KIAA0825: variants seen among roughly 807,000 people sequenced by gnomAD.
The protein encoded by KIAA0825 is KIAA0825.
A neutral mutation model predicts 147.6 loss-of-function variants in KIAA0825; 119 were observed. The observed-to-expected ratio is 0.81, with a 90% CI of 0.69 to 0.94. The LOEUF (loss-of-function observed/expected upper bound fraction) is 0.94, where lower values mean the gene tolerates loss of function less well. KIAA0825 is among the 40% of genes least tolerant of loss of function. The pLI is 0.00. For missense variants in KIAA0825, 1,381 were observed against 1,472.7 expected (o/e 0.94, Z 1.02); for synonymous variants, 470 against 518.1 (o/e 0.91, Z 1.26).
chr5:94,273,899 AT>A, intron 20 of KIAA0825, among the ~76,000 whole-genome samples: 1 of 152,268 alleles, frequency 6.6e-6, no homozygotes, highest in East Asian at 1.9e-4. Flanking sequence ...CAAAAGATAT[AT>A]ACAAGGAGAA....
intron 2 of KIAA0825, among the ~76,000 whole-genome samples, chr5:94,540,890 C>T (rs1353097464): frequency 6.6e-6 from 1 of 152,120 alleles, no homozygotes; most frequent in Non-Finnish European, 1.5e-5. Context: ...GTGAAATCAA[C>T]CATGACCCCT....
chr5:94,212,235 CAAAT>C (rs1772773660), intron 20 of KIAA0825, among the ~76,000 whole-genome samples: 1 of 152,068 alleles, frequency 6.6e-6, no homozygotes, highest in Admixed American at 6.6e-5. Flanking sequence ...TTTTCCCAAA[CAAAT>C]AAGCAAAACG....
intron 7 of KIAA0825, among the ~76,000 whole-genome samples, chr5:94,475,149 A>G (rs1169893313): frequency 6.6e-6 from 1 of 152,178 alleles, no homozygotes; most frequent in Non-Finnish European, 1.5e-5. Context: ...CTTCTTTCTT[A>G]TAAGAGAACT....
chr5:94,294,998 A>G lies in KIAA0825; in HGVS notation c.3710+89370T>C, dbSNP rs146919208. Among the ~76,000 whole-genome samples, 845 of 152,222 alleles carry G rather than the reference A, an allele frequency of 5.6e-3. 4 individuals are homozygous for G. The highest frequency in any genetic ancestry group is 0.019 in the African/African-American group (804 of 41,556). Reference sequence around the variant, plus strand: ...CTAGGTTGGGGAAGTTCTCCTGGATAATATACTGAAGAGTGTTTTCTAACT... The same window carrying G: ...CTAGGTTGGGGAAGTTCTCCTGGATGATATACTGAAGAGTGTTTTCTAACT... On this transcript the variant is annotated intron_variant, in intron 20 of 20. Coordinates refer to ENST00000682413, the MANE Select transcript of KIAA0825 (RefSeq NM_001145678.3).
intron 13 of KIAA0825, among the ~76,000 whole-genome samples, chr5:94,445,061 G>T (rs1757562112): frequency 6.6e-6 from 1 of 152,064 alleles, no homozygotes; most frequent in Non-Finnish European, 1.5e-5. Context: ...TAAGACATTG[G>T]ACAATACTGA....
chr5:94,265,571 G>C (rs1163160771), intron 20 of KIAA0825, among the ~76,000 whole-genome samples: 2 of 152,148 alleles, frequency 1.3e-5, no homozygotes, highest in African/African-American at 4.8e-5. Flanking sequence ...GGCTGAGGCA[G>C]GCAAATCACC....
At chr5:94,501,849 A>C (rs966819426) in intron 5 of KIAA0825, among the ~76,000 whole-genome samples, 4 of 152,212 alleles carry the variant, frequency 2.6e-5, no homozygotes, top group African/African-American at 9.6e-5. Flanking sequence ...ACACAAGTAT[A>C]CAAAGAAAAG....
intron 20 of KIAA0825, among the ~76,000 whole-genome samples, chr5:94,250,274 A>T (rs1775880194): frequency 1.3e-5 from 2 of 152,166 alleles, no homozygotes. Flanking sequence ...TTTTAAAGTA[A>T]AAGTCCAAAG....
intron 20 of KIAA0825, among the ~76,000 whole-genome samples, chr5:94,203,257 T>C (rs1035008509): frequency 1.3e-5 from 2 of 152,178 alleles, no homozygotes; most frequent in Admixed American, 6.5e-5. Flanking sequence ...GTAGTAACCT[T>C]GTAGCCCTTA....
At chr5:94,306,167 C>G (rs556279502) in intron 20 of KIAA0825, among the ~76,000 whole-genome samples, 78 of 151,366 alleles carry the variant, frequency 5.2e-4, no homozygotes, top group African/African-American at 1.8e-3. Flanking sequence ...TTACATATGT[C>G]GACTCATATT....
At chr5:94,501,257 AT>A (rs1765051402) in intron 5 of KIAA0825, among the ~76,000 whole-genome samples, 1 of 152,256 alleles carries the variant, frequency 6.6e-6, no homozygotes, top group Non-Finnish European at 1.5e-5. Context: ...GTACAATACT[AT>A]AAATGTATAC....
At chr5:94,572,217 TGGCCAGCAGGGCTGGCAGCATTAA>T (rs1210366493) in intron 2 of KIAA0825, among the ~76,000 whole-genome samples, 1 of 152,186 alleles carries the variant, frequency 6.6e-6, no homozygotes, top group African/African-American at 2.4e-5. Context: ...GCACATCAAC[TGGCCAGCAGGGCTGGCAGCATTAA>T]GTACTTCTGC....
At chr5:94,332,257 T>C (rs1781356538) in intron 20 of KIAA0825, among the ~76,000 whole-genome samples, 1 of 151,628 alleles carries the variant, frequency 6.6e-6, no homozygotes, top group Admixed American at 6.6e-5. Context: ...CTTTAAGTTC[T>C]GGGATGCATG....
intron 20 of KIAA0825, among the ~76,000 whole-genome samples, chr5:94,263,623 C>T (rs915908430): frequency 1.3e-5 from 2 of 152,096 alleles, no homozygotes; most frequent in Non-Finnish European, 2.9e-5. Context: ...AACTTGTTCT[C>T]TTTCGCCAAG....
At chr5:94,540,951 C>A (rs1459368863) in intron 2 of KIAA0825, among the ~76,000 whole-genome samples, 1 of 152,064 alleles carries the variant, frequency 6.6e-6, no homozygotes, top group Non-Finnish European at 1.5e-5. Flanking sequence ...AAGAAATGCT[C>A]TTGTATATAA....
chr5:94,400,206 T>C (rs1269019284), intron 16 of KIAA0825, among the ~76,000 whole-genome samples: 1 of 152,192 alleles, frequency 6.6e-6, no homozygotes, highest in Non-Finnish European at 1.5e-5. Flanking sequence ...AAATATGTTG[T>C]TCTTGCAAAC....
At chr5:94,345,948 T>TAGAAC (rs1401533760) in intron 20 of KIAA0825, among the ~76,000 whole-genome samples, 1 of 152,074 alleles carries the variant, frequency 6.6e-6, no homozygotes, top group Admixed American at 6.6e-5. Flanking sequence ...CACCGGTAAT[T>TAGAAC]AGAACAGAAC....
chr5:94,557,969 G>A (rs188187478), intron 2 of KIAA0825, among the ~76,000 whole-genome samples: 237 of 152,272 alleles, frequency 1.6e-3, no homozygotes, highest in African/African-American at 5.1e-3. Flanking sequence ...GGTGTCTGCC[G>A]TGCTCCTGAT....
At chr5:94,441,519 C>T (rs562951007) in intron 13 of KIAA0825, among the ~76,000 whole-genome samples, 1 of 152,250 alleles carries the variant, frequency 6.6e-6, no homozygotes, top group East Asian at 1.9e-4. Flanking sequence ...CTAATCCCAA[C>T]GTATCTGGAG....
Sources: gnomAD v4.1 joint callset for allele counts (sites outside exome capture counted in the v4.1 genomes callset) on GRCh38, gnomAD v4.1.1 for gene constraint, MANE v1.5 for transcripts, NCBI Gene and HGNC (gene_info 2026-07-23, HGNC 2026-07-21) for gene names.